Variants in EPC2 observed in about 807,000 individuals in gnomAD.
EPC2 encodes enhancer of polycomb homolog 2.
Under a neutral mutation model 92.1 loss-of-function variants are expected in EPC2, and 14 were observed. That is an observed-to-expected ratio of 0.15 (90% CI 0.10 to 0.24). The LOEUF is 0.24. Ranked by LOEUF, EPC2 falls within the 10% of genes least tolerant of loss-of-function variation. EPC2 has a pLI of 1.00. For synonymous variants in EPC2, 340 were observed against 334.7 expected (o/e 1.02, Z -0.17); for missense variants, 755 against 971.5 (o/e 0.78, Z 2.96).
intron 2 of EPC2, among the ~76,000 whole-genome samples, chr2:148,742,135 A>G (rs896564664): frequency 2.0e-4 from 30 of 152,018 alleles, no homozygotes; most frequent in Non-Finnish European, 7.4e-5. Flanking sequence ...TCCTACACAC[A>G]TTGTTTGTTT....
intron 1 of EPC2, among the ~76,000 whole-genome samples, chr2:148,676,777 GCTCTCTCT>G (rs10559609): frequency 1.7e-4 from 25 of 144,786 alleles, no homozygotes; most frequent in South Asian, 1.1e-3. Context: ...ACATTTAGGT[GCTCTCTCT>G]CTCTCTCTCT....
intron 10 of EPC2, among the ~76,000 whole-genome samples, chr2:148,774,685 A>G (rs1301621014): frequency 6.6e-6 from 1 of 150,752 alleles, no homozygotes; most frequent in African/African-American, 2.4e-5. Flanking sequence ...AGGAAAATTG[A>G]AAAGTGTATC....
At chr2:148,781,361 A>G (rs1314061474) in intron 10 of EPC2, among the ~76,000 whole-genome samples, 1 of 152,212 alleles carries the variant, frequency 6.6e-6, no homozygotes, top group Non-Finnish European at 1.5e-5. Context: ...TCTCAAAGAT[A>G]CTAAGTCTGA....
chr2:148,780,455 C>CT (rs2105439760), intron 10 of EPC2, among the ~76,000 whole-genome samples: 1 of 152,176 alleles, frequency 6.6e-6, no homozygotes, highest in Admixed American at 6.5e-5. Context: ...CAACAGAAAA[C>CT]TTGGGAGAGT....
At chr2:148,695,263 G>C (rs115249760) in intron 2 of EPC2, among the ~76,000 whole-genome samples, 3,548 of 152,342 alleles carry the variant, frequency 0.023, 46 homozygotes, top group East Asian at 0.032. Flanking sequence ...TCAGGAGAAA[G>C]GATAGGTGGA....
intron 10 of EPC2, among the ~76,000 whole-genome samples, chr2:148,778,783 C>G (rs940119319): frequency 1.3e-5 from 2 of 152,022 alleles, no homozygotes; most frequent in African/African-American, 4.8e-5. Context: ...GGAAAATCAG[C>G]TTGTTTCAAG....
At chr2:148,775,270 TACAAG>T (rs1428844929) in intron 10 of EPC2, among the ~76,000 whole-genome samples, 1 of 152,130 alleles carries the variant, frequency 6.6e-6, no homozygotes, top group Non-Finnish European at 1.5e-5. Flanking sequence ...TGCAAGGTCT[TACAAG>T]ACAATCCTTA....
chr2:148,733,479 ATTTTTTTTTTTTTTTTTTTTTTT>A lies in EPC2; in HGVS notation c.314-10129_314-10107del, dbSNP rs34219179. 9.4e-4 allele frequency among the ~76,000 whole-genome samples: 25 copies of A among 26,684 alleles called. 1 individual carries two copies. The South Asian group carries it at 0.035, about 38-fold the overall frequency. 17.5% of individuals were successfully genotyped at this position (26,684 alleles called of 152,430 possible). Reference sequence around the variant, plus strand: ...CTTTCTCTTTTCTTTCTCTCTCTGGATTTTTTTTTTTTTTTTTTTTTTTTTTTTTTTTTTTTGATACAGGGTCT... The same window carrying A: ...CTTTCTCTTTTCTTTCTCTCTCTGGATTTTTTTTTTTTTGATACAGGGTCT... On this transcript the variant is annotated intron_variant, in intron 2 of 13. Coordinates refer to ENST00000258484, the MANE Select transcript of EPC2 (RefSeq NM_015630.4).
At chr2:148,729,031 CAAAAAAA>C (rs376309552) in intron 2 of EPC2, among the ~76,000 whole-genome samples, 103 of 63,658 alleles carry the variant, frequency 1.6e-3, no homozygotes, top group African/African-American at 3.3e-3. Context: ...AACTCCATCT[CAAAAAAA>C]AAAAAAAAAA....
intron 2 of EPC2, among the ~76,000 whole-genome samples, chr2:148,723,140 A>G (rs1682417857): frequency 6.6e-6 from 1 of 152,172 alleles, no homozygotes; most frequent in East Asian, 1.9e-4. Context: ...AATTTACCTA[A>G]TAACCTACAC....
In EPC2 at chr2:148,670,057, T is replaced by G. The variant is rs1056235662; in HGVS notation, c.154-20157T>G. On this transcript the variant is annotated intron_variant, in intron 1 of 13. Coordinates refer to ENST00000258484, the MANE Select transcript of EPC2 (RefSeq NM_015630.4). ...AGTTCTTTTCCTCTTTGGTACTCTGTCCTATGAACCTTAGCTGCCTTGGTC... is the reference window on the plus strand; with the variant it reads ...AGTTCTTTTCCTCTTTGGTACTCTGGCCTATGAACCTTAGCTGCCTTGGTC... 5.3e-5 allele frequency among the ~76,000 whole-genome samples: 8 copies of G among 152,306 alleles called. No homozygotes were observed. The East Asian group carries it at 1.5e-3, about 29-fold the overall frequency.
At chr2:148,692,017 A>G in intron 2 of EPC2, 1 of 344,088 alleles carries the variant, frequency 2.9e-6, no homozygotes, top group East Asian at 7.5e-5. Flanking sequence ...CATATTCTCT[A>G]GTATGAATAT....
intron 1 of EPC2, among the ~76,000 whole-genome samples, chr2:148,668,463 T>G (rs182706650): frequency 1.1e-4 from 17 of 152,328 alleles, no homozygotes; most frequent in Admixed American, 9.1e-4. Context: ...TGGAATGAGT[T>G]GGGAAGTATT....
intron 2 of EPC2, among the ~76,000 whole-genome samples, chr2:148,694,407 A>G (rs1416528960): frequency 6.6e-6 from 1 of 152,166 alleles, no homozygotes; most frequent in Admixed American, 6.6e-5. Context: ...ATCATAACAC[A>G]TTGAGCTGTC....
At chr2:148,691,633 A>G (rs1228479089) in intron 2 of EPC2, 7 of 1,548,768 alleles carry the variant, frequency 4.5e-6, no homozygotes, top group Non-Finnish European at 5.2e-6. Context: ...ATTTGGGGAC[A>G]CTACCAACCG....
chr2:148,752,152 G>A (rs1683091601), intron 3 of EPC2, among the ~76,000 whole-genome samples: 1 of 152,144 alleles, frequency 6.6e-6, no homozygotes, highest in African/African-American at 2.4e-5. Flanking sequence ...CTGCTGATTG[G>A]TGGAAAGAGC....
rs905744362 is a variant in EPC2 at position 148,654,243 on chromosome 2, G to A, written c.153+9073G>A. Among the ~76,000 whole-genome samples the A allele has an allele frequency of 3.9e-5, 6 of 151,988 alleles. No individual in the cohort carries two copies. The East Asian group carries it at 5.8e-4, about 15-fold the overall frequency. ...ATTACAGGTGTGAGCCACCATGCCC[G>A]GCCAAGATTACATTTTTTTGTAAAA... On this transcript the variant is annotated intron_variant, in intron 1 of 13. Transcript: ENST00000258484.
At chr2:148,692,139 T>G (rs1390865706) in intron 2 of EPC2, 5 of 227,726 alleles carry the variant, frequency 2.2e-5, no homozygotes, top group Non-Finnish European at 4.4e-5. Flanking sequence ...TCACCTTCTT[T>G]CATATTTAAC....
At chr2:148,784,467 A>C (rs1683821393) in intron 12 of EPC2, among the ~76,000 whole-genome samples, 1 of 152,228 alleles carries the variant, frequency 6.6e-6, no homozygotes, top group Non-Finnish European at 1.5e-5. Flanking sequence ...GTAGACCAGT[A>C]GAAAGAGGGT....
Sources: gnomAD v4.1 joint callset for allele counts (sites outside exome capture counted in the v4.1 genomes callset) on GRCh38, gnomAD v4.1.1 for gene constraint, MANE v1.5 for transcripts, NCBI Gene and HGNC (gene_info 2026-07-23, HGNC 2026-07-21) for gene names.